RBM4: variants seen among roughly 807,000 people sequenced by gnomAD.
The protein encoded by RBM4 is RNA-binding protein 4.
In RBM4, 7 loss-of-function variants were observed where a neutral mutation model predicts 29.5. The observed-to-expected ratio is 0.24, with a 90% CI of 0.14 to 0.45. The LOEUF is 0.45. RBM4 is among the 20% of genes least tolerant of loss of function. The probability of loss-of-function intolerance (pLI) is 1.00; values close to 1 mark genes in which losing one functional copy is unlikely to be tolerated. For missense variants in RBM4, 387 were observed against 502.3 expected, an observed-to-expected ratio of 0.77 and a Z score of 2.19; for synonymous variants, 220 against 205.4, an observed-to-expected ratio of 1.07 and a Z score of -0.61.
intron 2 of RBM4, chr11:66,665,629 T>C (rs1382946739): frequency 2.6e-6 from 4 of 1,535,366 alleles, no homozygotes; most frequent in Admixed American, 2.0e-5. Flanking sequence ...GAGAGCAGCC[T>C]GGCTCCGCGT....
chr11:66,666,074 A>T (rs1939221338), exon 3 of RBM4: 5 of 1,016,946 alleles, frequency 4.9e-6, no homozygotes, highest in African/African-American at 1.6e-5. Flanking sequence ...ATCAAGGAGC[A>T]GCCAGTCATT....
At chr11:66,659,357 G>T (rs1018882544) in intron 2 of RBM4, among the ~76,000 whole-genome samples, 1 of 133,164 alleles carries the variant, frequency 7.5e-6, no homozygotes, top group Non-Finnish European at 1.5e-5. Context: ...TGCAAGCTCC[G>T]CCCCCCGGAT....
intron 2 of RBM4, chr11:66,665,767 A>G (rs1176348846): frequency 7.6e-7 from 1 of 1,312,434 alleles, no homozygotes; most frequent in African/African-American, 1.5e-5. Context: ...ATATATAGGA[A>G]TCCACTTATG....
chr11:66,644,722 G>A lies in RBM4; in HGVS notation c.*8+582G>A, dbSNP rs1019481716. On this transcript the variant is annotated intron_variant, in intron 3 of 3. Transcript: ENST00000310092. ...TTCCTGAACCGTTCAACCCTTATGA[G>A]TTTTATAGAACTTATTTGATGGTAA... 3 of 966,850 alleles carry A rather than the reference G, an allele frequency of 3.1e-6. No individual in the cohort carries two copies. The African/African-American group carries it at 5.3e-5, about 17-fold the overall frequency. 59.9% of individuals were successfully genotyped at this position (966,850 alleles called of 1,614,324 possible).
chr11:66,657,280 CTAATT>C (rs1035217502), intron 2 of RBM4, among the ~76,000 whole-genome samples: 1 of 151,644 alleles, frequency 6.6e-6, no homozygotes, highest in Non-Finnish European at 1.5e-5. Flanking sequence ...TTGCACCTGG[CTAATT>C]TATTTTTTAT....
chr11:66,640,340 A>G (rs191515254), intron 2 of RBM4: 122 of 647,534 alleles, frequency 1.9e-4, no homozygotes, highest in Admixed American at 1.1e-3. Flanking sequence ...CTCACCTTTT[A>G]TTTGGAGCCC....
At chr11:66,666,507 T>G in exon 3 of RBM4, 7 of 958,722 alleles carry the variant, frequency 7.3e-6, no homozygotes, top group Non-Finnish European at 8.7e-6. Context: ...GAAGGTAAGT[T>G]TCTTTAAAAG....
At chr11:66,649,919 T>G, downstream of RBM4, 1 of 558,628 alleles carries the variant, frequency 1.8e-6, no homozygotes, top group Non-Finnish European at 3.2e-6. Context: ...ATAAACTGAT[T>G]TTTTTCCCCC....
chr11:66,646,679 C>T (rs1159662018), downstream of RBM4, among the ~76,000 whole-genome samples: 1 of 152,108 alleles, frequency 6.6e-6, no homozygotes, highest in East Asian at 1.9e-4. Flanking sequence ...AAGACTTTTC[C>T]CACTGGTCCA....
Position 66,643,432 on chromosome 11 carries a change from T to TG in RBM4, c.413-17dup, listed in dbSNP as rs757751120. 8 of 1,587,310 alleles carry TG rather than the reference T, an allele frequency of 5.0e-6. No homozygotes were observed. The highest frequency in any genetic ancestry group is 1.2e-5 in the South Asian group (1 of 86,784). ...GACTAAGAGTGATAGCAACCCTTCT[T>TG]GCGTCTGTTTCTTCAAGGCAAACGA... On this transcript the variant is annotated splice_polypyrimidine_tract_variant and intron_variant, in intron 2 of 3. Transcript: ENST00000310092. The surrounding 1 kb of genome is among the most constrained non-coding windows in gnomAD (Gnocchi z 6.1).
chr11:66,665,709 G>A, intron 2 of RBM4: 1 of 1,441,776 alleles, frequency 6.9e-7, no homozygotes, highest in Non-Finnish European at 9.3e-7. Flanking sequence ...AAGTCAGACT[G>A]GATCTAACTC....
At chr11:66,644,685 G>A (rs1375401633) in intron 3 of RBM4, 3 of 984,466 alleles carry the variant, frequency 3.0e-6, no homozygotes, top group East Asian at 1.1e-4. Flanking sequence ...ATCTTGAAGC[G>A]TATTTCTGAC....
At chr11:66,645,440 C>T (rs1938649187) in intron 3 of RBM4, among the ~76,000 whole-genome samples, 1 of 152,142 alleles carries the variant, frequency 6.6e-6, no homozygotes, top group African/African-American at 2.4e-5. Context: ...TAGGCAGTCA[C>T]TGATTGGGCT....
At chr11:66,639,589 A>T in intron 1 of RBM4, 111 bp from the exon 2 acceptor site, 2 of 1,313,200 alleles carry the variant, frequency 1.5e-6, no homozygotes, top group East Asian at 4.7e-5. Context: ...GTGTGTGTGC[A>T]GGCGTGTGAG....
downstream of RBM4, among the ~76,000 whole-genome samples, chr11:66,647,231 A>C (rs1293708575): frequency 6.6e-6 from 1 of 152,252 alleles, no homozygotes; most frequent in African/African-American, 2.4e-5. Flanking sequence ...GAATCATTCA[A>C]CAAATACTGA....
chr11:66,650,848 G>A (rs1180956575), downstream of RBM4, among the ~76,000 whole-genome samples: 1 of 152,140 alleles, frequency 6.6e-6, no homozygotes, highest in Non-Finnish European at 1.5e-5. Flanking sequence ...GGGCAACAGA[G>A]CTAGACTCCG....
chr11:66,653,619 C>A (rs1411706145), intron 2 of RBM4, among the ~76,000 whole-genome samples: 1 of 152,126 alleles, frequency 6.6e-6, no homozygotes, highest in African/African-American at 2.4e-5. Context: ...GCCTTGGCCT[C>A]CCAAAGTGTT....
intron 2 of RBM4, chr11:66,665,663 G>A (rs1939198551): frequency 3.3e-6 from 5 of 1,520,130 alleles, no homozygotes; most frequent in Non-Finnish European, 3.5e-6. Flanking sequence ...GTCCTGTCCT[G>A]TATTCCGGGG....
chr11:66,660,520 T>G (rs1024726280), intron 2 of RBM4, among the ~76,000 whole-genome samples: 2 of 151,968 alleles, frequency 1.3e-5, no homozygotes, highest in African/African-American at 4.8e-5. Flanking sequence ...TTTTGTAGTT[T>G]TAGTAGAGAC....
Sources: gnomAD v4.1 joint callset for allele counts (sites outside exome capture counted in the v4.1 genomes callset) on GRCh38, gnomAD v4.1.1 for gene constraint, Gnocchi (gnomAD v3.1) non-coding constraint, MANE v1.5 for transcripts, NCBI Gene and HGNC (gene_info 2026-07-23, HGNC 2026-07-21) for gene names.